Variants in PSMG2 observed in about 807,000 individuals in gnomAD.
The protein encoded by PSMG2 is CD40 ligand-activated specific transcript 3.
Under a neutral mutation model 31.5 loss-of-function variants are expected in PSMG2, and 21 were observed. That is an observed-to-expected ratio of 0.67 (90% CI 0.47 to 0.96). PSMG2 has a LOEUF of 0.96. Among genes scored for constraint, PSMG2 ranks in the 40% least tolerant of loss-of-function variants. The probability of loss-of-function intolerance (pLI) is 0.00; values close to 1 mark genes in which losing one functional copy is unlikely to be tolerated. For missense variants in PSMG2, 318 were observed against 321.2 expected, an observed-to-expected ratio of 0.99 and a Z score of 0.08; for synonymous variants, 120 against 110.4, an observed-to-expected ratio of 1.09 and a Z score of -0.54.
intron 1 of PSMG2, among the ~76,000 whole-genome samples, chr18:12,667,617 C>T (rs536334405): frequency 8.1e-5 from 12 of 149,016 alleles, no homozygotes; most frequent in African/African-American, 2.2e-4. Context: ...AAAAATTAGC[C>T]GGGCGTGGTG....
At chr18:12,715,009 C>T (rs540603556) in intron 3 of PSMG2, among the ~76,000 whole-genome samples, 9 of 151,144 alleles carry the variant, frequency 6.0e-5, no homozygotes, top group Non-Finnish European at 7.4e-5. Context: ...CCACTGTGCC[C>T]GGCCCTCTTT....
In PSMG2 at chr18:12,683,999, T is replaced by C. The variant is rs140587205; in HGVS notation, c.-36-22551T>C. 1.2e-3 allele frequency among the ~76,000 whole-genome samples: 174 copies of C among 150,102 alleles called. 1 individual carries two copies. Among genetic ancestry groups the C allele is most frequent in the African/African-American group, 3.8e-3 (157 of 41,160 alleles). ...GTAAAAAATCTAAATATATATATGATATATATCATATATATGATATCATAT... is the reference window on the plus strand; with the variant it reads ...GTAAAAAATCTAAATATATATATGACATATATCATATATATGATATCATAT... On this transcript the variant is annotated intron_variant, in intron 1 of 6. Coordinates refer to the PSMG2 transcript ENST00000585331.
intron 4 of PSMG2, 68 bp downstream of exon 4, chr18:12,718,703 G>A: frequency 8.0e-7 from 1 of 1,243,712 alleles, no homozygotes; most frequent in South Asian, 1.7e-5. Context: ...CTATTAAAAA[G>A]TTAAACTTTA....
rs190562301 is a variant in PSMG2 at position 12,668,040 on chromosome 18, G to C, written c.-37+9267G>C. 3.3e-3 allele frequency among the ~76,000 whole-genome samples: 494 copies of C among 151,866 alleles called. 3 individuals are homozygous for C. The highest frequency in any genetic ancestry group is 5.8e-3 in the Non-Finnish European group (397 of 67,920). ...AGCACTTTGGGAGGCCGAGGCAGGC[G>C]TATCACCTGAGGTCAGGAGTTTGAA... On this transcript the variant is annotated intron_variant, in intron 1 of 6. Coordinates refer to the PSMG2 transcript ENST00000585331.
intron 1 of PSMG2, among the ~76,000 whole-genome samples, chr18:12,669,627 TTA>T (rs1161619060): frequency 2.6e-5 from 4 of 152,182 alleles, no homozygotes; most frequent in South Asian, 2.1e-4. Context: ...CTTGGAGACA[TTA>T]TGTTTTTTAA....
intron 5 of PSMG2, among the ~76,000 whole-genome samples, chr18:12,723,353 T>C (rs1465677508): frequency 6.6e-6 from 1 of 152,152 alleles, no homozygotes; most frequent in Non-Finnish European, 1.5e-5. Context: ...GTTTATAGTA[T>C]GATAGGAGAC....
In PSMG2 at chr18:12,682,970, A is replaced by T. The variant is rs145317062; in HGVS notation, c.-36-23580A>T. Reference sequence around the variant, plus strand: ...ATTTCTGAGATTTTGTCCTAAAGAAAATTCAGAAGTAAAATAAAAATATCT... The same window carrying T: ...ATTTCTGAGATTTTGTCCTAAAGAATATTCAGAAGTAAAATAAAAATATCT... On this transcript the variant is annotated intron_variant, in intron 1 of 6. Transcript: ENST00000585331. Among the ~76,000 whole-genome samples, 1,335 of 152,164 alleles carry T rather than the reference A, an allele frequency of 8.8e-3. 28 individuals carry two copies. The highest frequency in any genetic ancestry group is 0.03 in the African/African-American group (1,229 of 41,522).
intron 1 of PSMG2, chr18:12,670,329 CA>C (rs201302290): frequency 4.9e-5 from 7 of 143,030 alleles, no homozygotes; most frequent in Admixed American, 2.1e-4. Flanking sequence ...GACTCTGTCT[CA>C]AAAAAAAAAG....
intron 1 of PSMG2, chr18:12,680,612 A>AC: frequency 1.4e-6 from 2 of 1,408,936 alleles, no homozygotes; most frequent in Non-Finnish European, 1.9e-6. Context: ...AAAAAAAAAA[A>AC]AAAAACTTAT....
chr18:12,712,555 T>C (rs540211428), intron 2 of PSMG2, 147 bp from the exon 3 acceptor site: 3 of 562,530 alleles, frequency 5.3e-6, no homozygotes, highest in African/African-American at 3.8e-5. Context: ...GGTCTTATTT[T>C]AACCAGATGT....
chr18:12,662,073 G>T, intron 1 of PSMG2: 2 of 386,334 alleles, frequency 5.2e-6, no homozygotes, highest in African/African-American at 2.1e-5. Flanking sequence ...GGAGGTACTG[G>T]CTGTGCTGCT....
At chr18:12,700,822 C>T (rs1373945731), upstream of PSMG2, 1 of 609,334 alleles carries the variant, frequency 1.6e-6, no homozygotes, top group African/African-American at 1.8e-5. Flanking sequence ...ATACTTGAAA[C>T]AAGGACACTA....
chr18:12,702,535 G>C, upstream of PSMG2: 7 of 1,607,454 alleles, frequency 4.4e-6, no homozygotes, highest in Non-Finnish European at 5.9e-6. Context: ...GGCTTTCTCC[G>C]GAGGCAGCGA....
At position 12,703,123 on chromosome 18, in the gene PSMG2, G is replaced by C. The variant is rs756591475; in HGVS notation, c.16G>C (p.Gly6Arg). 1 of 1,612,506 alleles carries C rather than the reference G, an allele frequency of 6.2e-7. No individual in the cohort carries two copies. The highest frequency in any genetic ancestry group is 8.5e-7 in the Non-Finnish European group (1 of 1,179,604). The change falls in exon 1 of 7, where the codon GGG becomes CGG. Residue 6 changes from glycine to arginine, a missense_variant. Gly to Arg is a moderately radical substitution (Grantham distance 125). Transcript: ENST00000317615. ...CACTGCGACCATGTTCGTTCCCTGC[G>C]GGGAGTCGGCCCCCGACCTTGCCGG... MFVPC[G>R]ESAPDLAGFT...
In PSMG2 at chr18:12,706,706, A is replaced by G. The variant is rs2040272628; in HGVS notation, c.214A>G (p.Ser72Gly). The G allele has an allele frequency of 1.9e-6, 3 of 1,607,174 alleles. No individual in the cohort carries two copies. Residue 72 changes from serine to glycine, a missense_variant, in exon 2 of 7, where the codon AGC becomes GGC. Coordinates refer to ENST00000317615, the MANE Select transcript of PSMG2 (RefSeq NM_020232.5). ...ATTEGNSTEL[S>G]INAEVYSLPS... ...CACAGAAGGAAATTCAACAGAACTT[A>G]GCATAAATGCTGAAGGTATGTAAGA...
chr18:12,706,862 T>C (rs2040274070), intron 2 of PSMG2, 141 bp downstream of exon 2: 2 of 833,520 alleles, frequency 2.4e-6, no homozygotes, highest in Admixed American at 3.4e-5. Flanking sequence ...AATCACATTG[T>C]CCTATTCTTT....
chr18:12,662,707 G>A (rs1268899954), intron 1 of PSMG2, among the ~76,000 whole-genome samples: 1 of 152,170 alleles, frequency 6.6e-6, no homozygotes, highest in Non-Finnish European at 1.5e-5. Flanking sequence ...AGCCCAGGAG[G>A]CAGAGGCTGC....
intron 1 of PSMG2, chr18:12,674,455 AAAG>A: frequency 9.6e-7 from 1 of 1,043,864 alleles, no homozygotes; most frequent in South Asian, 1.5e-5. Flanking sequence ...AAAAAAAAAA[AAAG>A]GAAATTAAAA....
chr18:12,668,930 G>A, intron 1 of PSMG2, among the ~76,000 whole-genome samples: 1 of 150,182 alleles, frequency 6.7e-6, no homozygotes, highest in Non-Finnish European at 1.5e-5. Context: ...TAGTAGAGAC[G>A]GGGTTTCATC....
Sources: allele counts gnomAD v4.1 joint callset (sites outside exome capture counted in the v4.1 genomes callset), GRCh38; gene constraint gnomAD v4.1.1; transcripts MANE v1.5; gene names NCBI Gene and HGNC (gene_info 2026-07-23, HGNC 2026-07-21).